POU2F2: variants seen among roughly 807,000 people sequenced by gnomAD.
POU2F2 encodes POU domain, class 2, transcription factor 2.
Under a neutral mutation model 63.5 loss-of-function variants are expected in POU2F2, and 14 were observed. The ratio of observed to expected loss-of-function variants is 0.22; its 90% CI spans 0.15 to 0.34. The LOEUF is 0.34. POU2F2 is among the 10% of genes least tolerant of loss of function. POU2F2 has a pLI of 1.00. For synonymous variants in POU2F2, 306 were observed against 348.6 expected (o/e 0.88, Z 1.36); for missense variants, 607 against 815.2 (o/e 0.74, Z 3.11).
chr19:42,119,407 G>A (rs528530680), intron 4 of POU2F2, among the ~76,000 whole-genome samples: 1 of 152,138 alleles, frequency 6.6e-6, no homozygotes, highest in Admixed American at 6.5e-5. Context: ...GAGCGCGGTG[G>A]CTCGCCCCTT....
rs1438621161 is a variant in POU2F2 at position 42,095,501 on chromosome 19, C to T, written c.1021-39G>A. ...GCTCGTTAGCCCGAGGCCCACCGCCCGCCACCCCTCAGGTGAGGGCCACCC... is the reference window on the plus strand; with the variant it reads ...GCTCGTTAGCCCGAGGCCCACCGCCTGCCACCCCTCAGGTGAGGGCCACCC... On this transcript the variant is annotated intron_variant, in intron 10 of 14. Transcript: ENST00000692977. The surrounding 1 kb of genome is among the most constrained non-coding windows in gnomAD (Gnocchi z 7.1). The T allele has an allele frequency of 4.4e-6, 7 of 1,605,794 alleles. No individual in the cohort carries two copies. Among genetic ancestry groups the T allele is most frequent in the Admixed American group, 1.7e-5 (1 of 59,488 alleles).
At chr19:42,192,842 A>G (rs2035088191) in intron 1 of POU2F2, among the ~76,000 whole-genome samples, 1 of 152,182 alleles carries the variant, frequency 6.6e-6, no homozygotes, top group African/African-American at 2.4e-5. Context: ...TGTGAAGCAA[A>G]GAGAGCTCTC....
At chr19:42,149,773 A>G (rs1000198845) in intron 2 of POU2F2, among the ~76,000 whole-genome samples, 1 of 152,092 alleles carries the variant, frequency 6.6e-6, no homozygotes, top group Non-Finnish European at 1.5e-5. Flanking sequence ...TTGCTTCCCA[A>G]CACCCTCTCC....
chr19:42,178,122 T>A (rs2034917916), upstream of POU2F2, among the ~76,000 whole-genome samples: 1 of 146,614 alleles, frequency 6.8e-6, no homozygotes, highest in Non-Finnish European at 1.5e-5. Context: ...CACACAGAAA[T>A]ATAGAGACAC....
In POU2F2 at chr19:42,150,762, A is replaced by AT. The variant is rs1008454334; in HGVS notation, c.-9+9569dup. On this transcript the variant is annotated intron_variant, in intron 2 of 6. Coordinates refer to the POU2F2 transcript ENST00000524801. ...CTGCTCCTGTTTTTTTATTCTTTTA[A>AT]TTTTTTTTAAAACTCGCTGCACTCC... Among the ~76,000 whole-genome samples, 32 of 140,994 alleles carry AT rather than the reference A, an allele frequency of 2.3e-4. No homozygotes were observed. In the East Asian group the frequency reaches 5.8e-3, roughly 25 times the overall value. The allele number at this position is 140,994 out of a possible 152,430, so 92.5% of individuals were successfully genotyped here. A position where few individuals can be genotyped will look rare whatever the true frequency, so the allele number is the denominator to read the frequency against.
chr19:42,110,498 G>A (rs2030911287), intron 5 of POU2F2: 1 of 197,932 alleles, frequency 5.1e-6, no homozygotes. Context: ...GGGGTGCAAG[G>A]GTCCCTTCCA....
At chr19:42,161,283 C>A (rs143522334) in intron 1 of POU2F2, among the ~76,000 whole-genome samples, 47 of 152,232 alleles carry the variant, frequency 3.1e-4, no homozygotes, top group African/African-American at 1.1e-3. Flanking sequence ...TGGGGAAAGA[C>A]GAGGCTTCCA....
At chr19:42,100,473 G>T (rs1199086863) in intron 5 of POU2F2, among the ~76,000 whole-genome samples, 3 of 152,112 alleles carry the variant, frequency 2.0e-5, no homozygotes, top group Non-Finnish European at 2.9e-5. Flanking sequence ...AAGCCAGGCC[G>T]GGTGTGGTGA....
intron 5 of POU2F2, among the ~76,000 whole-genome samples, chr19:42,108,531 C>T (rs1377175294): frequency 3.3e-5 from 5 of 151,888 alleles, no homozygotes; most frequent in East Asian, 3.9e-4. Flanking sequence ...GCCATGGTCA[C>T]GCCACTGCAC....
In POU2F2 at chr19:42,089,879, G is replaced by A. The variant is rs1390160188; in HGVS notation, c.*1378C>T. On this transcript the variant is annotated 3_prime_UTR_variant, in exon 15 of 15. Transcript: ENST00000692977. The stretch of plus-strand genomic sequence containing the variant: ...CAGTGGTGTCTCTCCTCTGTCCGTC[G>A]TCAGTGGAGACGTGTCCGGGGCTGG... 1.3e-5 allele frequency: 2 copies of A among 151,998 alleles called. No homozygotes were observed. Among genetic ancestry groups the A allele is most frequent in the African/African-American group, 2.4e-5 (1 of 41,386 alleles). 9.4% of individuals were successfully genotyped at this position (151,998 alleles called of 1,614,324 possible).
rs1032488700 is a variant in POU2F2, at chr19:42,090,016, C to T, written c.*1241G>A. The stretch of plus-strand genomic sequence containing the variant: ...GTGGCACTGTCCCCACCACATGGAC[C>T]CTGATGGGGATGCCATCTCGAGGAA... On this transcript the variant is annotated 3_prime_UTR_variant, in exon 15 of 15. Transcript: ENST00000692977. This position sits in a 1 kb window ranked among gnomAD's most constrained non-coding sequence, Gnocchi z 4.4. The T allele has an allele frequency of 4.6e-5, 7 of 152,424 alleles. No homozygotes were observed. Among genetic ancestry groups the T allele is most frequent in the African/African-American group, 1.7e-4 (7 of 41,368 alleles). 9.4% of individuals were successfully genotyped at this position (152,424 alleles called of 1,614,324 possible). A position where few individuals can be genotyped will look rare whatever the true frequency, so the allele number is the denominator to read the frequency against.
intron 2 of POU2F2, among the ~76,000 whole-genome samples, chr19:42,146,300 C>T (rs2034232696): frequency 6.6e-6 from 1 of 152,186 alleles, no homozygotes; most frequent in Admixed American, 6.5e-5. Flanking sequence ...CTGTTCTCTT[C>T]CTCTCCCTCA....
intron 2 of POU2F2, among the ~76,000 whole-genome samples, chr19:42,149,748 A>G (rs922936727): frequency 2.0e-5 from 3 of 152,132 alleles, no homozygotes; most frequent in East Asian, 3.9e-4. Flanking sequence ...TGGGGCCACA[A>G]GGGCCTCCTG....
At chr19:42,175,599 T>G (rs936532170) in intron 1 of POU2F2, among the ~76,000 whole-genome samples, 5 of 148,898 alleles carry the variant, frequency 3.4e-5, no homozygotes, top group African/African-American at 1.2e-4. Flanking sequence ...AAGGAAGAGA[T>G]AGAAACTGAA....
chr19:42,194,901 G>GAGGGAAGGAGGAAGGA (rs1243599943), intron 1 of POU2F2, among the ~76,000 whole-genome samples: 1 of 121,144 alleles, frequency 8.3e-6, no homozygotes, highest in Non-Finnish European at 1.7e-5. Flanking sequence ...GAAAGGGAGG[G>GAGGGAAGGAGGAAGGA]AGGGAAGGAG....
intron 7 of POU2F2, among the ~76,000 whole-genome samples, chr19:42,097,959 C>A (rs2076986035): frequency 6.6e-6 from 1 of 152,166 alleles, no homozygotes; most frequent in African/African-American, 2.4e-5. Flanking sequence ...CCACTCTCAC[C>A]CCTCTCAGGT....
intron 1 of POU2F2, among the ~76,000 whole-genome samples, chr19:42,168,736 G>T (rs2034699983): frequency 6.6e-6 from 1 of 152,224 alleles, no homozygotes; most frequent in South Asian, 2.1e-4. Flanking sequence ...GCATCTGAGT[G>T]CTGCATTATT....
At position 42,110,269 on chromosome 19, in the gene POU2F2, G is replaced by A. The variant is rs575379743; in HGVS notation, c.369+6981C>T. 2.7e-3 allele frequency among the ~76,000 whole-genome samples: 416 copies of A among 151,982 alleles called. 4 individuals carry two copies. Among genetic ancestry groups the A allele is most frequent in the African/African-American group, 9.3e-3 (385 of 41,430 alleles). On this transcript the variant is annotated intron_variant, in intron 5 of 14. Coordinates refer to ENST00000692977, the MANE Select transcript of POU2F2 (RefSeq NM_001394376.1). ...TATGATGGTGATAGAGCAAGACCTC[G>A]TCTCTAAAAAAATGAATAACTACAT...
Position 42,096,233 on chromosome 19 carries a change from C to A in POU2F2, c.578G>T (p.Arg193Leu), listed in dbSNP as rs2076917096. Reference sequence around the variant, plus strand: ...GAGGTGCGGGTCGGGCAGCGTAGGGCGGGTCACGGCCTGGTGGGGTGGGCA... The same window carrying A: ...GAGGTGCGGGTCGGGCAGCGTAGGGAGGGTCACGGCCTGGTGGGGTGGGCA... ...RAGLPTQAVT[R>L]PTLPDPHLSH... The change falls in exon 8 of 15, where the codon CGC (arginine) becomes CTC (leucine). Residue 193 changes from arginine to leucine, a missense_variant. This residue lies in a region of POU2F2 where 224 missense variants were observed against 264.3 expected (regional missense o/e 0.85). Coordinates refer to ENST00000692977, the MANE Select transcript of POU2F2 (RefSeq NM_001394376.1). This position sits in a 1 kb window ranked among gnomAD's most constrained non-coding sequence, Gnocchi z 4.1. 4 of 685,906 alleles carry A rather than the reference C, an allele frequency of 5.8e-6. No individual in the cohort carries two copies. Among genetic ancestry groups the A allele is most frequent in the South Asian group, 1.5e-5 (1 of 68,338 alleles). The allele number at this position is 685,906 out of a possible 1,614,324, so 42.5% of individuals were successfully genotyped here. A position where few individuals can be genotyped will look rare whatever the true frequency, so the allele number is the denominator to read the frequency against.
Sources: gnomAD v4.1 joint callset for allele counts (sites outside exome capture counted in the v4.1 genomes callset) on GRCh38, gnomAD v4.1.1 for gene constraint, gnomAD v4.1.1 regional missense constraint, Gnocchi (gnomAD v3.1) non-coding constraint, MANE v1.5 for transcripts, NCBI Gene and HGNC (gene_info 2026-07-23, HGNC 2026-07-21) for gene names.